PTCHD4: variants seen among roughly 807,000 people sequenced by gnomAD.
PTCHD4 encodes the protein patched domain-containing protein 4.
PTCHD4 carries 33 observed loss-of-function variants against 58.1 expected under a neutral mutation model. The ratio of observed to expected loss-of-function variants is 0.57; its 90% CI spans 0.43 to 0.76. The LOEUF (loss-of-function observed/expected upper bound fraction) is 0.76, where lower values mean the gene tolerates loss of function less well. Ranked by LOEUF, PTCHD4 falls within the 30% of genes least tolerant of loss-of-function variation. The pLI, the probability that PTCHD4 is intolerant of heterozygous loss-of-function variation, is 0.00. For synonymous variants in PTCHD4, 478 were observed against 409.6 expected, an observed-to-expected ratio of 1.17 and a Z score of -2.02; for missense variants, 1,058 against 1,027.1, an observed-to-expected ratio of 1.03 and a Z score of -0.41.
Position 48,100,483 on chromosome 6 carries a change from C to T in PTCHD4, c.-970+10566G>A, listed in dbSNP as rs866340450. The stretch of plus-strand genomic sequence containing the variant: ...GTAACTGTTCTAACGTGATCAAAAC[C>T]AAGTTCATCTGAATCCTTTCCTGCA... On this transcript the variant is annotated intron_variant, in intron 1 of 4. Transcript: ENST00000339488. 8.5e-5 allele frequency among the ~76,000 whole-genome samples: 13 copies of T among 152,240 alleles called. 1 individual carries two copies. In the Middle Eastern group the frequency reaches 0.027, roughly 319 times the overall value.
chr6:47,968,822 A>G (rs974286407), intron 4 of PTCHD4, among the ~76,000 whole-genome samples: 1 of 152,182 alleles, frequency 6.6e-6, no homozygotes, highest in African/African-American at 2.4e-5. Context: ...AAAATGAGAG[A>G]GAAAGAGGAA....
chr6:48,090,025 C>T (rs1402013245), intron 1 of PTCHD4, among the ~76,000 whole-genome samples: 1 of 152,066 alleles, frequency 6.6e-6, no homozygotes, highest in Non-Finnish European at 1.5e-5. Context: ...AACTATTTCT[C>T]CAGTTTCAGT....
At chr6:47,906,815 C>A (rs761457015) in intron 4 of PTCHD4, among the ~76,000 whole-genome samples, 1 of 152,126 alleles carries the variant, frequency 6.6e-6, no homozygotes, top group Non-Finnish European at 1.5e-5. Flanking sequence ...TCACTCTCAC[C>A]ATTTCACTAA....
At chr6:47,963,107 C>A (rs374208383) in intron 4 of PTCHD4, among the ~76,000 whole-genome samples, 1 of 150,718 alleles carries the variant, frequency 6.6e-6, no homozygotes, top group Non-Finnish European at 1.5e-5. Context: ...CTAGCCTGAG[C>A]GACAGAGCAA....
intron 3 of PTCHD4, among the ~76,000 whole-genome samples, chr6:48,049,679 C>T (rs896455019): frequency 7.2e-5 from 11 of 151,866 alleles, no homozygotes; most frequent in Non-Finnish European, 1.5e-4. Flanking sequence ...TGCTTGCATC[C>T]ATCATTAGGC....
At chr6:47,893,237 T>C (rs1468779184) in intron 4 of PTCHD4, among the ~76,000 whole-genome samples, 1 of 152,126 alleles carries the variant, frequency 6.6e-6, no homozygotes, top group African/African-American at 2.4e-5. Flanking sequence ...TTTCTATCTC[T>C]TGACCTCATG....
intron 4 of PTCHD4, among the ~76,000 whole-genome samples, chr6:47,911,339 G>A (rs576294418): frequency 1.3e-5 from 2 of 152,040 alleles, no homozygotes; most frequent in Non-Finnish European, 2.9e-5. Context: ...CCCCACCCAA[G>A]GGCAGCTCTT....
intron 4 of PTCHD4, among the ~76,000 whole-genome samples, chr6:47,940,925 A>G (rs187987473): frequency 4.5e-4 from 68 of 152,288 alleles, no homozygotes; most frequent in Non-Finnish European, 8.2e-4. Flanking sequence ...ACCCATTCCA[A>G]TGCTGATCCA....
intron 4 of PTCHD4, among the ~76,000 whole-genome samples, chr6:47,935,206 C>A (rs561814254): frequency 1.3e-5 from 2 of 152,074 alleles, no homozygotes; most frequent in African/African-American, 4.8e-5. Context: ...ACACTATATC[C>A]GATTTTGTTC....
chr6:48,075,533 G>A (rs9473226), intron 1 of PTCHD4, among the ~76,000 whole-genome samples: 1 of 149,380 alleles, frequency 6.7e-6, no homozygotes, highest in Non-Finnish European at 1.5e-5. Flanking sequence ...ATAAACCTTA[G>A]ATTCATATGT....
chr6:47,878,152 G>A lies in PTCHD4; in HGVS notation c.*151C>T, dbSNP rs1763897031. 1 of 592,100 alleles carries A rather than the reference G, an allele frequency of 1.7e-6. No homozygotes were observed. Among genetic ancestry groups the A allele is most frequent in the East Asian group, 2.8e-5 (1 of 35,664 alleles). 36.7% of individuals were successfully genotyped at this position (592,100 alleles called of 1,614,324 possible). The stretch of plus-strand genomic sequence containing the variant: ...TTTTATTCCCTCTTCCCCCCAAGAA[G>A]CAGGCACCTTGAAGTGTCATGAATA... On this transcript the variant is annotated 3_prime_UTR_variant, in exon 5 of 5. Coordinates refer to ENST00000339488, the MANE Select transcript of PTCHD4 (RefSeq NM_001384253.1).
At chr6:48,107,029 G>T (rs1007614942) in intron 1 of PTCHD4, among the ~76,000 whole-genome samples, 1 of 152,074 alleles carries the variant, frequency 6.6e-6, no homozygotes, top group South Asian at 2.1e-4. Context: ...TACTGCCCAA[G>T]GTAATTTATA....
intron 4 of PTCHD4, among the ~76,000 whole-genome samples, chr6:48,008,408 A>G (rs1234504844): frequency 1.3e-5 from 2 of 152,138 alleles, no homozygotes; most frequent in East Asian, 3.9e-4. Flanking sequence ...GTATAACTTA[A>G]AAACATTTGA....
At chr6:48,100,374 T>C (rs1393397756) in intron 1 of PTCHD4, among the ~76,000 whole-genome samples, 1 of 152,180 alleles carries the variant, frequency 6.6e-6, no homozygotes, top group Non-Finnish European at 1.5e-5. Context: ...TGTGATGTCG[T>C]CCCTTGCAAT....
intron 4 of PTCHD4, among the ~76,000 whole-genome samples, chr6:47,936,921 G>T (rs932115147): frequency 6.6e-6 from 1 of 152,202 alleles, no homozygotes. Context: ...GGTTAGAAAA[G>T]GTGAGTGAAT....
At chr6:48,004,217 A>G (rs1768858246) in intron 4 of PTCHD4, among the ~76,000 whole-genome samples, 1 of 152,164 alleles carries the variant, frequency 6.6e-6, no homozygotes. Flanking sequence ...AATGAGTCTC[A>G]GTTTGGAAAA....
chr6:47,995,593 A>G (rs368084412), intron 4 of PTCHD4, among the ~76,000 whole-genome samples: 2 of 152,310 alleles, frequency 1.3e-5, no homozygotes, highest in African/African-American at 4.8e-5. Context: ...TACCTTTATA[A>G]AACAATTTCT....
At chr6:47,920,354 G>A (rs1037692412) in intron 4 of PTCHD4, among the ~76,000 whole-genome samples, 2 of 152,120 alleles carry the variant, frequency 1.3e-5, no homozygotes, top group African/African-American at 4.8e-5. Context: ...TGTGGCTTGT[G>A]ATTTCATTAG....
intron 4 of PTCHD4, among the ~76,000 whole-genome samples, chr6:47,904,693 G>T (rs921706487): frequency 2.0e-5 from 3 of 152,118 alleles, no homozygotes; most frequent in African/African-American, 7.2e-5. Context: ...ATGAAAATAT[G>T]ATTAGTCTTT....
Sources: allele counts gnomAD v4.1 joint callset (sites outside exome capture counted in the v4.1 genomes callset), GRCh38; gene constraint gnomAD v4.1.1; transcripts MANE v1.5; gene names NCBI Gene and HGNC (gene_info 2026-07-23, HGNC 2026-07-21).